NAALADL2: variants seen among roughly 807,000 people sequenced by gnomAD.
NAALADL2 encodes the protein inactive N-acetylated-alpha-linked acidic dipeptidase-like protein 2.
In NAALADL2, 76 loss-of-function variants were observed where a neutral mutation model predicts 87.2. That is an observed-to-expected ratio of 0.87 (90% CI 0.72 to 1.05). The LOEUF (loss-of-function observed/expected upper bound fraction) is 1.05. Ranked by LOEUF, NAALADL2 falls within the 50% of genes least tolerant of loss-of-function variation. NAALADL2 has a pLI of 0.00. For synonymous variants in NAALADL2, 354 were observed against 331.0 expected, an observed-to-expected ratio of 1.07 and a Z score of -0.75; for missense variants, 1,089 against 945.8, an observed-to-expected ratio of 1.15 and a Z score of -1.99.
intron 1 of NAALADL2, among the ~76,000 whole-genome samples, chr3:175,038,861 G>A (rs1427460343): frequency 6.6e-6 from 1 of 152,028 alleles, no homozygotes; most frequent in Non-Finnish European, 1.5e-5. Context: ...GAAAGTGAAA[G>A]AGGGTGCTAT....
At chr3:174,466,044 A>G (rs1426399026) in intron 1 of NAALADL2, among the ~76,000 whole-genome samples, 3 of 152,186 alleles carry the variant, frequency 2.0e-5, no homozygotes, top group East Asian at 1.9e-4. Flanking sequence ...ACTTCAAACA[A>G]GGTTACCAGG....
chr3:174,750,326 T>C (rs760594385), intron 3 of NAALADL2, among the ~76,000 whole-genome samples: 7 of 152,234 alleles, frequency 4.6e-5, no homozygotes, highest in Non-Finnish European at 7.3e-5. Context: ...CTGGTTCTGC[T>C]CTTTGGATAT....
intron 9 of NAALADL2, among the ~76,000 whole-genome samples, chr3:175,486,959 C>T (rs1301361080): frequency 6.6e-6 from 1 of 152,136 alleles, no homozygotes; most frequent in East Asian, 1.9e-4. Context: ...TTTCAGTAGC[C>T]TTTTAACCAC....
chr3:175,715,568 C>T (rs1043564404), intron 11 of NAALADL2, among the ~76,000 whole-genome samples: 1 of 151,996 alleles, frequency 6.6e-6, no homozygotes, highest in Non-Finnish European at 1.5e-5. Context: ...AAAAATTAAA[C>T]AAATGACTAT....
intron 5 of NAALADL2, among the ~76,000 whole-genome samples, chr3:175,385,615 A>G (rs1303663370): frequency 1.3e-5 from 2 of 152,164 alleles, no homozygotes; most frequent in Non-Finnish European, 2.9e-5. Context: ...CAAAATAGCT[A>G]GAAGAGAATA....
intron 1 of NAALADL2, among the ~76,000 whole-genome samples, chr3:174,924,464 A>G (rs564546003): frequency 6.6e-6 from 1 of 151,952 alleles, no homozygotes; most frequent in Non-Finnish European, 1.5e-5. Flanking sequence ...TCTATCATTG[A>G]CGGACATTTG....
At chr3:174,965,821 A>G (rs947916702) in intron 1 of NAALADL2, among the ~76,000 whole-genome samples, 1 of 152,042 alleles carries the variant, frequency 6.6e-6, no homozygotes, top group Non-Finnish European at 1.5e-5. Context: ...AGTTGGGGTA[A>G]TTTTTACAGT....
At chr3:175,013,267 T>TTATA (rs1451716160) in intron 1 of NAALADL2, among the ~76,000 whole-genome samples, 16 of 109,234 alleles carry the variant, frequency 1.5e-4, no homozygotes, top group African/African-American at 6.0e-4. Context: ...ACATATATTT[T>TTATA]TATATATATA....
intron 5 of NAALADL2, among the ~76,000 whole-genome samples, chr3:175,436,096 C>T (rs1392987191): frequency 1.3e-4 from 19 of 143,100 alleles, no homozygotes; most frequent in East Asian, 4.3e-4. Context: ...TGAGAATATG[C>T]GGTGTTTGGT....
chr3:174,845,812 C>T (rs1724557071), intron 3 of NAALADL2, among the ~76,000 whole-genome samples: 2 of 152,060 alleles, frequency 1.3e-5, no homozygotes, highest in Admixed American at 1.3e-4. Context: ...TCCTAGGTTG[C>T]AGAAGGTAGG....
chr3:175,781,669 A>AC (rs1372643619), intron 13 of NAALADL2, among the ~76,000 whole-genome samples: 1 of 151,802 alleles, frequency 6.6e-6, no homozygotes, highest in Non-Finnish European at 1.5e-5. Flanking sequence ...AAAAAAAAAA[A>AC]AGTTTAAAAG....
intron 10 of NAALADL2, among the ~76,000 whole-genome samples, chr3:175,583,394 T>G (rs1720072473): frequency 6.6e-6 from 1 of 151,724 alleles, no homozygotes; most frequent in South Asian, 2.1e-4. Context: ...ATCTCATGAT[T>G]AGACAATTTA....
chr3:175,667,851 G>T (rs929140023), intron 11 of NAALADL2, among the ~76,000 whole-genome samples: 2 of 147,578 alleles, frequency 1.4e-5, no homozygotes, highest in Non-Finnish European at 3.0e-5. Context: ...ATGTCTGTTT[G>T]AATTGTTCTG....
intron 10 of NAALADL2, among the ~76,000 whole-genome samples, chr3:175,625,261 A>G (rs954996343): frequency 2.0e-5 from 3 of 151,964 alleles, no homozygotes; most frequent in African/African-American, 7.2e-5. Flanking sequence ...TTTACTTTGA[A>G]TAGTGATGAG....
intron 13 of NAALADL2, among the ~76,000 whole-genome samples, chr3:175,761,487 C>T (rs1748001321): frequency 6.6e-6 from 1 of 152,112 alleles, no homozygotes; most frequent in Non-Finnish European, 1.5e-5. Context: ...TTTTTGTGGA[C>T]ATACATTTCA....
chr3:175,458,983 C>G (rs1035630722), intron 6 of NAALADL2, among the ~76,000 whole-genome samples: 3 of 152,022 alleles, frequency 2.0e-5, no homozygotes, highest in African/African-American at 7.2e-5. Flanking sequence ...CATATTCAGG[C>G]CTTCTCACAC....
At chr3:174,995,591 T>G (rs2108737517) in intron 1 of NAALADL2, among the ~76,000 whole-genome samples, 1 of 152,294 alleles carries the variant, frequency 6.6e-6, no homozygotes, top group South Asian at 2.1e-4. Context: ...TCAATTATGC[T>G]TCTCAGAATA....
At chr3:174,880,091 TG>T (rs1447953015) in intron 1 of NAALADL2, among the ~76,000 whole-genome samples, 1 of 152,060 alleles carries the variant, frequency 6.6e-6, no homozygotes, top group Non-Finnish European at 1.5e-5. Context: ...TGATCCTCTC[TG>T]GCTTCCATTC....
At chr3:175,548,711 A>G (rs1411843404) in intron 9 of NAALADL2, among the ~76,000 whole-genome samples, 1 of 152,092 alleles carries the variant, frequency 6.6e-6, no homozygotes, top group East Asian at 1.9e-4. Flanking sequence ...GAAAATGGAG[A>G]TTGAGATATA....
Sources: allele counts gnomAD v4.1 joint callset (sites outside exome capture counted in the v4.1 genomes callset), GRCh38; gene constraint gnomAD v4.1.1; transcripts MANE v1.5; gene names NCBI Gene and HGNC (gene_info 2026-07-23, HGNC 2026-07-21).